The following NRXN3 variants were observed in gnomAD, a reference collection of about 807,000 sequenced individuals.
NRXN3 encodes neurexin III.
Under a neutral mutation model 137.6 loss-of-function variants are expected in NRXN3, and 32 were observed. That is an observed-to-expected ratio of 0.23 (90% CI 0.18 to 0.31). NRXN3 has a LOEUF of 0.31. Among genes scored for constraint, NRXN3 ranks in the 10% least tolerant of loss-of-function variants. The probability of loss-of-function intolerance (pLI) is 1.00; values close to 1 mark genes in which losing one functional copy is unlikely to be tolerated. For missense variants in NRXN3, 1,574 were observed against 2,062.5 expected (o/e 0.76, Z 4.59); for synonymous variants, 798 against 784.5 (o/e 1.02, Z -0.29).
rs199504562 is a variant in NRXN3, at chr14:79,245,185, A to AAGTG, written c.3263-222034_3263-222033insTGAG. Among the ~76,000 whole-genome samples, 333 of 152,256 alleles carry AAGTG rather than the reference A, an allele frequency of 2.2e-3. 2 individuals carry two copies. The highest frequency in any genetic ancestry group is 7.7e-3 in the African/African-American group (320 of 41,552). ...GAAAAATGTCACAGCTACTTGACCT[A>AAGTG]AGCATCTTTCAATCTCTAGTTCCAG... is the stretch of plus-strand genomic sequence containing the variant. On this transcript the variant is annotated intron_variant, in intron 15 of 20. Coordinates refer to ENST00000335750, the MANE Select transcript of NRXN3 (RefSeq NM_001330195.2).
At chr14:78,651,414 C>T (rs1214889832) in intron 6 of NRXN3, 88 bp downstream of exon 6, 15 of 1,396,390 alleles carry the variant, frequency 1.1e-5, no homozygotes, top group Middle Eastern at 2.2e-4. Flanking sequence ...CTGGATCTGT[C>T]CTCAAATCTA....
At chr14:79,170,096 A>T (rs911032870) in intron 15 of NRXN3, among the ~76,000 whole-genome samples, 4 of 152,072 alleles carry the variant, frequency 2.6e-5, no homozygotes, top group African/African-American at 9.7e-5. Flanking sequence ...TTTTGATTGT[A>T]TGGGTTAAGT....
At chr14:79,317,496 A>G (rs191657999) in intron 15 of NRXN3, among the ~76,000 whole-genome samples, 8 of 152,230 alleles carry the variant, frequency 5.3e-5, no homozygotes, top group Non-Finnish European at 1.2e-4. Flanking sequence ...TCCTACTCCA[A>G]TATGACCTTA....
At chr14:79,395,651 A>G (rs2094996795) in intron 15 of NRXN3, among the ~76,000 whole-genome samples, 1 of 151,962 alleles carries the variant, frequency 6.6e-6, no homozygotes, top group Non-Finnish European at 1.5e-5. Flanking sequence ...TACTAAAAAT[A>G]CAAAAAAATT....
At chr14:78,953,470 T>G (rs2099390839) in intron 10 of NRXN3, among the ~76,000 whole-genome samples, 2 of 152,204 alleles carry the variant, frequency 1.3e-5, no homozygotes, top group Non-Finnish European at 2.9e-5. Flanking sequence ...AAGCCTTACC[T>G]CAAAGAGATG....
intron 15 of NRXN3, among the ~76,000 whole-genome samples, chr14:79,025,576 A>G (rs1465693346): frequency 1.3e-5 from 2 of 152,064 alleles, no homozygotes; most frequent in Non-Finnish European, 2.9e-5. Context: ...CGTGAAATTT[A>G]TTTTCCCTTC....
At chr14:79,799,094 C>A (rs900413543) in intron 19 of NRXN3, among the ~76,000 whole-genome samples, 1 of 151,990 alleles carries the variant, frequency 6.6e-6, no homozygotes, top group Non-Finnish European at 1.5e-5. Context: ...AACATAAATG[C>A]AATAAAAAAT....
At chr14:78,225,981 GTGTGTGTGTGTGT>G (rs2064569240) in intron 1 of NRXN3, among the ~76,000 whole-genome samples, 14 of 125,656 alleles carry the variant, frequency 1.1e-4, no homozygotes, top group African/African-American at 4.5e-4. Flanking sequence ...GTTGGTGTGT[GTGTGTGTGTGTGT>G]GTGTGTGTGT....
At chr14:79,446,954 G>T (rs894135626) in intron 15 of NRXN3, among the ~76,000 whole-genome samples, 1 of 152,116 alleles carries the variant, frequency 6.6e-6, no homozygotes, top group Non-Finnish European at 1.5e-5. Context: ...TATTCATCTT[G>T]CATTACTGAA....
chr14:79,560,504 C>CTTTTTGTTTTTTTTTTTT (rs2097482396), intron 16 of NRXN3, among the ~76,000 whole-genome samples: 1 of 43,770 alleles, frequency 2.3e-5, no homozygotes, highest in Non-Finnish European at 4.0e-5. Flanking sequence ...AGATTGTAAG[C>CTTTTTGTTTTTTTTTTTT]TTTTTTTTTT....
Position 78,709,243 on chromosome 14 carries a change from T to C in NRXN3, c.1248T>C (p.Arg416=). 1 of 1,613,868 alleles carries C rather than the reference T, an allele frequency of 6.2e-7. No individual in the cohort carries two copies. The highest frequency in any genetic ancestry group is 1.7e-4 in the Middle Eastern group (1 of 6,058). ...TTGTTTATAAGAATAATGACATCCG[T>C]CTGGAGCTGTCTCGCCTGGCCCGGA... ...KEVVYKNNDI[R]LELSRLARIA... The change falls in exon 7 of 21, where the codon CGT becomes CGC. Residue 416 remains arginine, a synonymous_variant. Transcript: ENST00000335750.
At chr14:78,801,069 C>G (rs1366554678) in intron 8 of NRXN3, among the ~76,000 whole-genome samples, 5 of 152,218 alleles carry the variant, frequency 3.3e-5, no homozygotes, top group African/African-American at 1.2e-4. Flanking sequence ...CGCCTGTAAT[C>G]CCAGCACTTT....
intron 15 of NRXN3, among the ~76,000 whole-genome samples, chr14:79,355,133 G>A (rs1466334695): frequency 4.6e-5 from 7 of 152,164 alleles, no homozygotes; most frequent in Non-Finnish European, 5.9e-5. Flanking sequence ...ATCTAGATTT[G>A]TTTGGTCTTA....
chr14:79,694,208 C>G (rs1470649245), intron 18 of NRXN3, among the ~76,000 whole-genome samples: 1 of 151,860 alleles, frequency 6.6e-6, no homozygotes, highest in African/African-American at 2.4e-5. Flanking sequence ...TTAGACAATC[C>G]ACTTAACCTC....
intron 15 of NRXN3, among the ~76,000 whole-genome samples, chr14:79,354,485 A>G (rs531460889): frequency 6.6e-6 from 1 of 152,280 alleles, no homozygotes; most frequent in South Asian, 2.1e-4. Flanking sequence ...GACCACAGCA[A>G]AGATTCTTTC....
intron 15 of NRXN3, among the ~76,000 whole-genome samples, chr14:79,465,340 A>C (rs1441608842): frequency 6.6e-6 from 1 of 152,222 alleles, no homozygotes; most frequent in Admixed American, 6.5e-5. Context: ...TGCATACCAC[A>C]ATTCCAAATC....
intron 15 of NRXN3, chr14:79,280,469 C>T: frequency 6.2e-7 from 1 of 1,614,056 alleles, no homozygotes; most frequent in Non-Finnish European, 8.5e-7. Context: ...GCACCATTTC[C>T]ATGGCAGCAA....
chr14:79,624,466 G>A (rs2098259860), intron 16 of NRXN3, among the ~76,000 whole-genome samples: 1 of 151,934 alleles, frequency 6.6e-6, no homozygotes, highest in Non-Finnish European at 1.5e-5. Flanking sequence ...TATACATAGT[G>A]AAATTACTAG....
chr14:78,187,011 C>CT (rs921778483), intron 1 of NRXN3, among the ~76,000 whole-genome samples: 12 of 152,076 alleles, frequency 7.9e-5, no homozygotes, highest in East Asian at 1.9e-4. Context: ...GTGCATGCTT[C>CT]TTTTTTTTGA....
Sources: allele counts gnomAD v4.1 joint callset (sites outside exome capture counted in the v4.1 genomes callset), GRCh38; gene constraint gnomAD v4.1.1; transcripts MANE v1.5; gene names NCBI Gene and HGNC (gene_info 2026-07-23, HGNC 2026-07-21).